The following SYNPR variants were observed in gnomAD, a reference collection of about 807,000 sequenced individuals.
The protein encoded by SYNPR is synaptoporin.
In SYNPR, 23 loss-of-function variants were observed where a neutral mutation model predicts 32.9. The observed-to-expected ratio is 0.70, with a 90% CI of 0.50 to 0.99. The LOEUF is 0.99. Ranked by LOEUF, SYNPR falls within the 50% of genes least tolerant of loss-of-function variation. The pLI is 0.00. For synonymous variants in SYNPR, 146 were observed against 135.9 expected (o/e 1.07, Z -0.52); for missense variants, 318 against 349.3 (o/e 0.91, Z 0.71).
At chr3:63,511,919 A>T (rs959771748) in intron 3 of SYNPR, among the ~76,000 whole-genome samples, 1 of 152,130 alleles carries the variant, frequency 6.6e-6, no homozygotes, top group South Asian at 2.1e-4. Flanking sequence ...AAAATATTCA[A>T]AGAATACAGA....
At chr3:63,539,915 G>T (rs369298687) in intron 3 of SYNPR, among the ~76,000 whole-genome samples, 2 of 152,060 alleles carry the variant, frequency 1.3e-5, no homozygotes, top group African/African-American at 4.8e-5. Context: ...GGGTTTTAGG[G>T]CTGAATCCAA....
chr3:63,556,844 T>G, intron 4 of SYNPR, 103 bp downstream of exon 4: 2 of 1,102,698 alleles, frequency 1.8e-6, no homozygotes, highest in Non-Finnish European at 2.5e-6. Flanking sequence ...GTTAGGTGTT[T>G]GAAAGGAAAT....
At chr3:63,595,729 A>T (rs1177250455) in intron 4 of SYNPR, among the ~76,000 whole-genome samples, 17 of 24,254 alleles carry the variant, frequency 7.0e-4, no homozygotes, top group African/African-American at 4.9e-3. Context: ...ATATATATAT[A>T]TATATATATA....
chr3:63,464,747 T>C (rs1700647216), intron 2 of SYNPR, among the ~76,000 whole-genome samples: 1 of 152,200 alleles, frequency 6.6e-6, no homozygotes, highest in African/African-American at 2.4e-5. Context: ...TCTTTTAGAA[T>C]TGTGTCACTA....
chr3:63,295,750 T>G (rs1021124121), intron 2 of SYNPR, among the ~76,000 whole-genome samples: 11 of 152,212 alleles, frequency 7.2e-5, no homozygotes, highest in Non-Finnish European at 1.2e-4. Context: ...TTTGTATAAA[T>G]CGAAACCACA....
intron 3 of SYNPR, among the ~76,000 whole-genome samples, chr3:63,495,209 A>T (rs764194453): frequency 6.6e-6 from 1 of 152,234 alleles, no homozygotes; most frequent in Non-Finnish European, 1.5e-5. Context: ...GCTGTCACTT[A>T]GAGACTGTTA....
At chr3:63,580,291 C>T (rs1703067594) in intron 4 of SYNPR, among the ~76,000 whole-genome samples, 4 of 152,090 alleles carry the variant, frequency 2.6e-5, no homozygotes, top group Admixed American at 2.6e-4. Flanking sequence ...GTTCCTTTGC[C>T]AAAATGCACA....
At chr3:63,410,614 C>A (rs762867022) in intron 2 of SYNPR, among the ~76,000 whole-genome samples, 4 of 152,106 alleles carry the variant, frequency 2.6e-5, no homozygotes, top group East Asian at 1.9e-4. Context: ...TTTAAACACC[C>A]TATTATGTTT....
rs114691114 is a variant in SYNPR, at chr3:63,465,347, A to G, written c.85-15485A>G. On this transcript the variant is annotated intron_variant, in intron 2 of 5. Coordinates refer to ENST00000478300, the MANE Select transcript of SYNPR (RefSeq NM_001130003.2). The stretch of plus-strand genomic sequence containing the variant: ...TTCTTCTACATCCTACAATAGTATA[A>G]TAATAGAAGAGAGTGAAATTTCCTT... Among the ~76,000 whole-genome samples, 916 of 152,232 alleles carry G rather than the reference A, an allele frequency of 6.0e-3. 6 individuals are homozygous for G. Among genetic ancestry groups the G allele is most frequent in the Non-Finnish European group, 9.2e-3 (623 of 67,982 alleles).
At chr3:63,429,560 A>C (rs1338819316) in intron 2 of SYNPR, among the ~76,000 whole-genome samples, 1 of 152,226 alleles carries the variant, frequency 6.6e-6, no homozygotes, top group Non-Finnish European at 1.5e-5. Flanking sequence ...AAGAACCAAA[A>C]TTTCAAGTTG....
chr3:63,399,916 TG>T (rs1266811084), intron 2 of SYNPR, among the ~76,000 whole-genome samples: 1 of 152,216 alleles, frequency 6.6e-6, no homozygotes, highest in Admixed American at 6.5e-5. Flanking sequence ...CCCCATTTTT[TG>T]CTCATTATTT....
At position 63,609,229 on chromosome 3, in the gene SYNPR, A is replaced by G; in HGVS notation, c.513A>G (p.Val171=). The change falls in exon 5 of 6, where the codon GTA becomes GTG. Residue 171 remains valine, a synonymous_variant. Transcript: ENST00000478300. The part of the protein sequence containing the change: ...DVKVATDPKE[V]LLLMSACKQP... ...AAGTTGCAACGGATCCCAAGGAAGT[A>G]TTGCTACTAATGTCAGCTTGCAAAC... 6.2e-7 allele frequency: 1 copy of G among 1,608,686 alleles called. No homozygotes were observed. The highest frequency in any genetic ancestry group is 1.1e-5 in the South Asian group (1 of 89,718).
At chr3:63,436,372 C>T (rs1324739325) in intron 2 of SYNPR, among the ~76,000 whole-genome samples, 2 of 142,542 alleles carry the variant, frequency 1.4e-5, no homozygotes, top group Non-Finnish European at 3.0e-5. Flanking sequence ...GTGACGTTCC[C>T]CTTCCTGTGT....
intron 4 of SYNPR, among the ~76,000 whole-genome samples, chr3:63,578,457 G>A (rs1703030975): frequency 6.6e-6 from 1 of 152,118 alleles, no homozygotes; most frequent in Admixed American, 6.6e-5. Context: ...GTGGATAGTA[G>A]CAAAGAGTTG....
At chr3:63,601,615 T>C (rs891547016) in intron 4 of SYNPR, among the ~76,000 whole-genome samples, 2 of 152,214 alleles carry the variant, frequency 1.3e-5, no homozygotes, top group African/African-American at 4.8e-5. Flanking sequence ...TTTCTGTTCC[T>C]GTGTTAGTTT....
chr3:63,555,978 G>T (rs1463384211), intron 3 of SYNPR, among the ~76,000 whole-genome samples: 1 of 152,200 alleles, frequency 6.6e-6, no homozygotes, highest in Non-Finnish European at 1.5e-5. Context: ...TCATCTCTCA[G>T]GAGATGTTGA....
At chr3:63,499,726 C>T (rs1182105853) in intron 3 of SYNPR, among the ~76,000 whole-genome samples, 1 of 152,080 alleles carries the variant, frequency 6.6e-6, no homozygotes, top group Non-Finnish European at 1.5e-5. Context: ...TAGCTCCGTT[C>T]ATATGTATCC....
rs551936089 is a variant in SYNPR at position 63,350,438 on chromosome 3, TG to T, written c.84+71699del. Among the ~76,000 whole-genome samples, 9 of 152,256 alleles carry T rather than the reference TG, an allele frequency of 5.9e-5. No homozygotes were observed. The South Asian group carries it at 1.9e-3, about 32-fold the overall frequency. On this transcript the variant is annotated intron_variant, in intron 2 of 5. Coordinates refer to ENST00000478300, the MANE Select transcript of SYNPR (RefSeq NM_001130003.2). Reference sequence around the variant, plus strand: ...GTCTTCTTCATATTTTTTTTGCAAGTGGGACTTCAGACTATATCGTGATAGG... The same window carrying T: ...GTCTTCTTCATATTTTTTTTGCAAGTGGACTTCAGACTATATCGTGATAGG...
At chr3:63,321,866 G>C (rs1445616079) in intron 2 of SYNPR, among the ~76,000 whole-genome samples, 1 of 152,014 alleles carries the variant, frequency 6.6e-6, no homozygotes, top group African/African-American at 2.4e-5. Context: ...AGCTCCCAAT[G>C]GGCCTTCTGA....
Sources: gnomAD v4.1 joint callset for allele counts (sites outside exome capture counted in the v4.1 genomes callset) on GRCh38, gnomAD v4.1.1 for gene constraint, MANE v1.5 for transcripts, NCBI Gene and HGNC (gene_info 2026-07-23, HGNC 2026-07-21) for gene names.